Variants in SNX27 observed in about 807,000 individuals in gnomAD.
SNX27 encodes sorting nexin 27.
In SNX27, 22 loss-of-function variants were observed where a neutral mutation model predicts 71.6. That is an observed-to-expected ratio of 0.31 (90% confidence interval 0.22 to 0.44). The LOEUF is 0.44. SNX27 is among the 20% of genes least tolerant of loss of function. The probability of loss-of-function intolerance (pLI) is 1.00; values close to 1 mark genes in which losing one functional copy is unlikely to be tolerated. For missense variants in SNX27, 531 were observed against 698.6 expected, an observed-to-expected ratio of 0.76 and a Z score of 2.70; for synonymous variants, 269 against 277.2, an observed-to-expected ratio of 0.97 and a Z score of 0.29.
chr1:151,666,560 A>G (rs1670197170), intron 6 of SNX27: 1 of 152,272 alleles, frequency 6.6e-6, no homozygotes, highest in African/African-American at 2.4e-5. Context: ...CATTGAGACT[A>G]CAAAGGGGAG....
At chr1:151,676,778 A>G (rs1398471175) in intron 7 of SNX27, 1 of 152,084 alleles carries the variant, frequency 6.6e-6, no homozygotes, top group Admixed American at 6.5e-5. Flanking sequence ...GCTTTAATTT[A>G]CCCAAGGTTT....
Position 151,612,165 on chromosome 1 carries a change from G to A in SNX27, c.-37G>A. 1 of 1,311,462 alleles carries A rather than the reference G, an allele frequency of 7.6e-7. No homozygotes were observed. The allele number at this position is 1,311,462 out of a possible 1,614,324, so 81.2% of individuals were successfully genotyped here. A position where few individuals can be genotyped will look rare whatever the true frequency, so the allele number is the denominator to read the frequency against. On this transcript the variant is annotated 5_prime_UTR_variant, in exon 1 of 12. Transcript: ENST00000458013. This position sits in a 1 kb window ranked among gnomAD's most constrained non-coding sequence, Gnocchi z 5.2. ...GAGCACGCGCCGGGAGGCCTTGGAG[G>A]CGTAGGGGGCGGGGGTACGGCTCGC...
intron 1 of SNX27, among the ~76,000 whole-genome samples, chr1:151,619,530 G>C (rs1166988443): frequency 6.6e-6 from 1 of 152,080 alleles, no homozygotes; most frequent in African/African-American, 2.4e-5. Flanking sequence ...GAGATTCCTG[G>C]GCTGAAGTGA....
intron 7 of SNX27, among the ~76,000 whole-genome samples, chr1:151,674,937 C>T (rs1380309020): frequency 1.3e-5 from 2 of 152,068 alleles, no homozygotes; most frequent in African/African-American, 4.8e-5. Context: ...CTGCCCACCT[C>T]GGCCTCCCAA....
intron 2 of SNX27, among the ~76,000 whole-genome samples, chr1:151,648,373 T>C (rs778950484): frequency 3.3e-5 from 5 of 152,024 alleles, no homozygotes; most frequent in Non-Finnish European, 5.9e-5. Flanking sequence ...AGATTAAACA[T>C]GAGAAAAGAG....
At chr1:151,652,395 TACC>T (rs1361827137) in intron 2 of SNX27, among the ~76,000 whole-genome samples, 1 of 151,474 alleles carries the variant, frequency 6.6e-6, no homozygotes, top group African/African-American at 2.4e-5. Flanking sequence ...TCATTTTTGA[TACC>T]ACGCCTTTTT....
At chr1:151,678,281 A>G (rs1375131505) in intron 7 of SNX27, 1 of 152,154 alleles carries the variant, frequency 6.6e-6, no homozygotes, top group Non-Finnish European at 1.5e-5. Context: ...CCCCTTGGCA[A>G]CTACCATTCT....
intron 2 of SNX27, among the ~76,000 whole-genome samples, chr1:151,649,574 C>T (rs1456263850): frequency 2.0e-5 from 3 of 152,180 alleles, no homozygotes; most frequent in African/African-American, 7.2e-5. Flanking sequence ...CAGAGCTAAA[C>T]CCTGTCTCAA....
chr1:151,690,639 G>A (rs1671397503), intron 8 of SNX27, among the ~76,000 whole-genome samples: 3 of 151,242 alleles, frequency 2.0e-5, no homozygotes, highest in Admixed American at 2.0e-4. Flanking sequence ...TAGAGATGGG[G>A]TTTCACTATA....
rs1553267186 is a variant in SNX27, at chr1:151,696,522, G to GTTCTTTCGTTCTTTCGTTCTTTCT, written c.*2112_*2113insGTTCTTTCGTTCTTTCTTTCTTTC. The GTTCTTTCGTTCTTTCGTTCTTTCT allele has an allele frequency of 8.3e-4, 85 of 102,370 alleles. No homozygotes were observed. Among genetic ancestry groups the GTTCTTTCGTTCTTTCGTTCTTTCT allele is most frequent in the Middle Eastern group, 4.7e-3 (1 of 212 alleles). 6.3% of individuals were successfully genotyped at this position (102,370 alleles called of 1,614,324 possible). On this transcript the variant is annotated 3_prime_UTR_variant, in exon 12 of 12. Coordinates refer to ENST00000458013, the MANE Select transcript of SNX27 (RefSeq NM_001330723.2). ...CTTTCTTTCGTTCTTTCGTTCTTTC[G>GTTCTTTCGTTCTTTCGTTCTTTCT]TTCTTTCTTTCTTTCTTTCTTTCTC...
At position 151,696,911 on chromosome 1, in the gene SNX27, A is replaced by G. The variant is rs1409646240; in HGVS notation, c.*2494A>G. ...GTAATCTGCCCACCTCGGCCTCCCAAAGTGCTAGGATTACAGGAGTGAGCC... is the reference window on the plus strand; with the variant it reads ...GTAATCTGCCCACCTCGGCCTCCCAGAGTGCTAGGATTACAGGAGTGAGCC... On this transcript the variant is annotated 3_prime_UTR_variant, in exon 12 of 12. Transcript: ENST00000458013. 6.6e-6 allele frequency: 1 copy of G among 151,864 alleles called. No individual in the cohort carries two copies. The highest frequency in any genetic ancestry group is 1.5e-5 in the Non-Finnish European group (1 of 67,986). The allele number at this position is 151,864 out of a possible 1,614,324, so 9.4% of individuals were successfully genotyped here. A position where few individuals can be genotyped will look rare whatever the true frequency, so the allele number is the denominator to read the frequency against.
At chr1:151,615,013 A>G (rs950873805) in intron 1 of SNX27, among the ~76,000 whole-genome samples, 7 of 152,228 alleles carry the variant, frequency 4.6e-5, no homozygotes, top group Non-Finnish European at 1.0e-4. Flanking sequence ...GAAAGGTAGA[A>G]GGACTTGCCT....
intron 1 of SNX27, among the ~76,000 whole-genome samples, chr1:151,619,079 G>A (rs1019506173): frequency 6.6e-6 from 1 of 151,726 alleles, no homozygotes; most frequent in Non-Finnish European, 1.5e-5. Flanking sequence ...AGTGGCTCAC[G>A]CCTGTAATCC....
At chr1:151,670,770 C>T (rs767161126) in intron 7 of SNX27, among the ~76,000 whole-genome samples, 1 of 152,128 alleles carries the variant, frequency 6.6e-6, no homozygotes, top group Non-Finnish European at 1.5e-5. Flanking sequence ...CTTTGCTGTG[C>T]AGAAGCTTTT....
intron 11 of SNX27, chr1:151,693,745 A>G: frequency 7.1e-6 from 11 of 1,553,946 alleles, no homozygotes; most frequent in Non-Finnish European, 9.5e-6. Context: ...ATCTCTCATG[A>G]CTTCATGGAC....
chr1:151,677,937 C>T (rs1670770549), intron 7 of SNX27: 2 of 152,108 alleles, frequency 1.3e-5, no homozygotes, highest in Non-Finnish European at 2.9e-5. Context: ...TTAAAGTATA[C>T]AATTTGATAA....
At chr1:151,613,755 C>T (rs1667302235) in intron 1 of SNX27, among the ~76,000 whole-genome samples, 1 of 152,054 alleles carries the variant, frequency 6.6e-6, no homozygotes, top group Non-Finnish European at 1.5e-5. Flanking sequence ...TTTTGTACTT[C>T]GTATTGAAAT....
intron 7 of SNX27, among the ~76,000 whole-genome samples, chr1:151,675,433 A>G (rs1303327679): frequency 6.6e-6 from 1 of 152,150 alleles, no homozygotes; most frequent in African/African-American, 2.4e-5. Context: ...TAATACAGAT[A>G]CAACCTTTTT....
In SNX27 at chr1:151,698,874, T is replaced by C. The variant is rs1439550591; in HGVS notation, c.*4457T>C. On this transcript the variant is annotated 3_prime_UTR_variant, in exon 12 of 12. Coordinates refer to ENST00000458013, the MANE Select transcript of SNX27 (RefSeq NM_001330723.2). The stretch of plus-strand genomic sequence containing the variant: ...CACATTTAATTTATTTCAGAGAAAC[T>C]CTAATTGTATTTTCACTGCAGTATC... The C allele has an allele frequency of 1.3e-5, 2 of 152,654 alleles. No homozygotes were observed. The highest frequency in any genetic ancestry group is 2.4e-5 in the African/African-American group (1 of 41,452). 9.5% of individuals were successfully genotyped at this position (152,654 alleles called of 1,614,324 possible).
Sources: allele counts gnomAD v4.1 joint callset (sites outside exome capture counted in the v4.1 genomes callset), GRCh38; gene constraint gnomAD v4.1.1; non-coding constraint Gnocchi (gnomAD v3.1); transcripts MANE v1.5; gene names NCBI Gene and HGNC (gene_info 2026-07-23, HGNC 2026-07-21).